The following ADHFE1 variants were observed in gnomAD, a reference collection of about 807,000 sequenced individuals.
The protein encoded by ADHFE1 is alcohol dehydrogenase iron containing 1, also known as hydroxyacid-oxoacid transhydrogenase, mitochondrial.
Under a neutral mutation model 54.8 loss-of-function variants are expected in ADHFE1, and 37 were observed. That is an observed-to-expected ratio of 0.68 (90% CI 0.52 to 0.89). The LOEUF is 0.89. Ranked by LOEUF, ADHFE1 falls within the 40% of genes least tolerant of loss-of-function variation. ADHFE1 has a pLI of 0.00. For missense variants in ADHFE1, 601 were observed against 591.2 expected, an observed-to-expected ratio of 1.02 and a Z score of -0.17; for synonymous variants, 203 against 229.3, an observed-to-expected ratio of 0.89 and a Z score of 1.04.
intron 13 of ADHFE1, among the ~76,000 whole-genome samples, chr8:66,466,481 T>G (rs2130504553): frequency 6.6e-6 from 1 of 152,284 alleles, no homozygotes; most frequent in East Asian, 1.9e-4. Flanking sequence ...CTCTTACATT[T>G]AGGTTTTTGA....
chr8:66,440,349 C>T (rs1300694691), intron 2 of ADHFE1, 150 bp downstream of exon 2: 4 of 722,480 alleles, frequency 5.5e-6, no homozygotes, highest in East Asian at 5.0e-5. Context: ...ATTGATAACA[C>T]GTAACTCTAT....
rs1473484903 is a variant in ADHFE1 at position 66,439,275 on chromosome 8, A to G, written c.60-887A>G. On this transcript the variant is annotated intron_variant, in intron 1 of 13. Transcript: ENST00000396623. This position sits in a 1 kb window ranked among gnomAD's most constrained non-coding sequence, Gnocchi z 4.4. ...CGGGGAGAAGGAAGTGATGCACTCA[A>G]GTATCTACCGAGACCCAACCACTGG... is the stretch of plus-strand genomic sequence containing the variant. 6 of 985,400 alleles carry G rather than the reference A, an allele frequency of 6.1e-6. No homozygotes were observed. Among genetic ancestry groups the G allele is most frequent in the Non-Finnish European group, 7.2e-6 (6 of 829,994 alleles). 61.0% of individuals were successfully genotyped at this position (985,400 alleles called of 1,614,324 possible).
At chr8:66,432,978 G>A in intron 1 of ADHFE1, 1 of 921,990 alleles carries the variant, frequency 1.1e-6, no homozygotes, top group African/African-American at 1.8e-5. Flanking sequence ...AAAGGCTCTG[G>A]AGCAGTTTGA....
intron 12 of ADHFE1, among the ~76,000 whole-genome samples, chr8:66,458,792 T>C (rs758631029): frequency 4.6e-5 from 7 of 152,226 alleles, no homozygotes; most frequent in Non-Finnish European, 8.8e-5. Context: ...AATACTGATG[T>C]ATTCTTTTTC....
In ADHFE1 at chr8:66,439,125, C is replaced by A. The variant is rs1805615330; in HGVS notation, c.60-1037C>A. 13 of 934,264 alleles carry A rather than the reference C, an allele frequency of 1.4e-5. No homozygotes were observed. Among genetic ancestry groups the A allele is most frequent in the Non-Finnish European group, 1.7e-5 (13 of 783,300 alleles). 57.9% of individuals were successfully genotyped at this position (934,264 alleles called of 1,614,324 possible). On this transcript the variant is annotated intron_variant, in intron 1 of 13. Coordinates refer to ENST00000396623, the MANE Select transcript of ADHFE1 (RefSeq NM_144650.3). This position sits in a 1 kb window ranked among gnomAD's most constrained non-coding sequence, Gnocchi z 4.4. ...CGCGACTCGCGCCAGCTCTCACTCG[C>A]CCCCGCGTCTGCTTTGACTTCGCAG...
intron 7 of ADHFE1, 85 bp from the exon 8 acceptor site, chr8:66,448,780 A>G: frequency 8.6e-7 from 1 of 1,162,260 alleles, no homozygotes; most frequent in Non-Finnish European, 1.3e-6. Context: ...TTTTATTTTT[A>G]GGGTGATTTA....
At chr8:66,440,261 CATTT>C in intron 2 of ADHFE1, 62 bp downstream of exon 2, 1 of 1,430,484 alleles carries the variant, frequency 7.0e-7, no homozygotes, top group Non-Finnish European at 9.6e-7. Context: ...CATTATAATA[CATTT>C]GGGTAGTGTA....
chr8:66,468,405 G>T lies in ADHFE1; in HGVS notation c.*53G>T. 1 of 1,466,500 alleles carries T rather than the reference G, an allele frequency of 6.8e-7. No individual in the cohort carries two copies. 90.8% of individuals were successfully genotyped at this position (1,466,500 alleles called of 1,614,324 possible). A position where few individuals can be genotyped will look rare whatever the true frequency, so the allele number is the denominator to read the frequency against. ...CTGGCCATTGTAGTGCTGAGAGCAA[G>T]AGCTGATCTAGCTAGGGCTTTGTCT... On this transcript the variant is annotated 3_prime_UTR_variant, in exon 14 of 14. Coordinates refer to ENST00000396623, the MANE Select transcript of ADHFE1 (RefSeq NM_144650.3).
chr8:66,460,280 C>A (rs754178394), intron 12 of ADHFE1, 28 bp from the exon 13 acceptor site: 8 of 1,612,982 alleles, frequency 5.0e-6, no homozygotes, highest in Non-Finnish European at 5.9e-6. Context: ...TTCCTCTCTC[C>A]CTACAGTCAG....
Position 66,445,379 on chromosome 8 carries a change from A to G in ADHFE1, c.515A>G (p.Lys172Arg), listed in dbSNP as rs754984327. The G allele has an allele frequency of 6.2e-7, 1 of 1,613,442 alleles. No homozygotes were observed. Among genetic ancestry groups the G allele is most frequent in the African/African-American group, 1.3e-5 (1 of 74,852 alleles). ...GTCAGTGCCCCCATTGGCAAGGGAA[A>G]GCCTGTGTCTGTGCCTCTTAAGCCT... The part of the protein sequence containing the change: ...DYVSAPIGKG[K>R]PVSVPLKPLI... Residue 172 changes from lysine (K) to arginine (R), a missense_variant, in exon 6 of 14, where the codon AAG (lysine) becomes AGG (arginine). By Grantham distance (26) the Lys-to-Arg change is conservative. Coordinates refer to ENST00000396623, the MANE Select transcript of ADHFE1 (RefSeq NM_144650.3).
chr8:66,451,965 G>A lies in ADHFE1; in HGVS notation c.747G>A (p.Glu249=). The part of the protein sequence containing the change: ...SGFDVLCHAL[E]SYTTLPYHLR... ...TATTTCTTTTTAGCCATGCCCTGGA[G>A]TCATACACCACCCTGCCCTACCACC... The change falls in exon 9 of 14, where the codon GAG becomes GAA. Residue 249 remains glutamate (E), a synonymous_variant. Coordinates refer to ENST00000396623, the MANE Select transcript of ADHFE1 (RefSeq NM_144650.3). 7 of 1,614,072 alleles carry A rather than the reference G, an allele frequency of 4.3e-6. No homozygotes were observed. The African/African-American group carries it at 8.0e-5, about 18-fold the overall frequency.
chr8:66,466,556 A>G (rs201296268), intron 13 of ADHFE1, among the ~76,000 whole-genome samples: 1 of 151,754 alleles, frequency 6.6e-6, no homozygotes, highest in South Asian at 2.1e-4. Context: ...CAGACAAAAC[A>G]AATACCTACT....
intron 9 of ADHFE1, chr8:66,453,695 T>C: frequency 7.3e-7 from 1 of 1,368,952 alleles, no homozygotes; most frequent in South Asian, 1.1e-5. Context: ...TGAGAATGTT[T>C]ACATCCCTTC....
At chr8:66,460,698 A>C (rs1340656442) in intron 13 of ADHFE1, among the ~76,000 whole-genome samples, 1 of 152,226 alleles carries the variant, frequency 6.6e-6, no homozygotes, top group East Asian at 1.9e-4. Flanking sequence ...GAAAATTTTC[A>C]TGAAGGGATG....
Position 66,457,785 on chromosome 8 carries a change from C to T in ADHFE1, c.1162+619C>T, listed in dbSNP as rs577835331. On this transcript the variant is annotated intron_variant, in intron 12 of 13. Transcript: ENST00000396623. ...AGTATTGAGAGTATTTGTAGTAATA[C>T]TGTTTCCTGTTTTTATCTCAAGGGA... Among the ~76,000 whole-genome samples, 169 of 131,838 alleles carry T rather than the reference C, an allele frequency of 1.3e-3. 2 individuals are homozygous for T. Among genetic ancestry groups the T allele is most frequent in the Non-Finnish European group, 1.3e-3 (81 of 61,766 alleles). The allele number at this position is 131,838 out of a possible 152,430, so 86.5% of individuals were successfully genotyped here. A position where few individuals can be genotyped will look rare whatever the true frequency, so the allele number is the denominator to read the frequency against.
At chr8:66,432,854 C>T (rs1805274458) in intron 1 of ADHFE1, 4 of 1,216,750 alleles carry the variant, frequency 3.3e-6, no homozygotes, top group East Asian at 3.3e-5. Flanking sequence ...TCGTAGCAGG[C>T]AGTGGAGAGC....
At chr8:66,445,895 G>T (rs1805999213) in intron 6 of ADHFE1, among the ~76,000 whole-genome samples, 1 of 152,218 alleles carries the variant, frequency 6.6e-6, no homozygotes, top group Non-Finnish European at 1.5e-5. Context: ...ATCATGCTGG[G>T]TGACATCTGC....
At chr8:66,440,022 A>G (rs1435847469) in intron 1 of ADHFE1, 140 bp from the exon 2 acceptor site, 14 of 849,674 alleles carry the variant, frequency 1.6e-5, no homozygotes, top group African/African-American at 3.4e-5. Flanking sequence ...TATTTTTTCT[A>G]TTGTACAGTG....
chr8:66,453,917 CG>C, intron 9 of ADHFE1, 141 bp from the exon 10 acceptor site: 1 of 1,519,498 alleles, frequency 6.6e-7, no homozygotes, highest in Non-Finnish European at 8.8e-7. Context: ...GACAAGGCGT[CG>C]TTTGAATAAC....
Sources: gnomAD v4.1 joint callset for allele counts (sites outside exome capture counted in the v4.1 genomes callset) on GRCh38, gnomAD v4.1.1 for gene constraint, Gnocchi (gnomAD v3.1) non-coding constraint, MANE v1.5 for transcripts, NCBI Gene and HGNC (gene_info 2026-07-23, HGNC 2026-07-21) for gene names.